Variants in MALRD1 observed in about 807,000 individuals in gnomAD.
MALRD1 encodes MAM and LDL receptor class A domain containing 1.
Under a neutral mutation model 242.1 loss-of-function variants are expected in MALRD1, and 247 were observed. The ratio of observed to expected loss-of-function variants is 1.02; its 90% confidence interval spans 0.92 to 1.13. The LOEUF is 1.13. MALRD1 is among the 50% of genes most tolerant of loss of function. MALRD1 has a pLI of 0.00. For missense variants in MALRD1, 2,989 were observed against 2,533.1 expected (o/e 1.18, Z -3.86); for synonymous variants, 995 against 866.6 (o/e 1.15, Z -2.60).
chr10:19,050,654 G>A (rs1267564096), intron 1 of MALRD1, among the ~76,000 whole-genome samples: 1 of 152,122 alleles, frequency 6.6e-6, no homozygotes, highest in African/African-American at 2.4e-5. Flanking sequence ...TTCAGCCAAG[G>A]GCAAAGATTC....
intron 34 of MALRD1, 68 bp downstream of exon 34, chr10:19,595,525 G>A (rs1406146371): frequency 4.1e-6 from 6 of 1,462,598 alleles, no homozygotes; most frequent in South Asian, 2.7e-5. Flanking sequence ...AAGAAAGCTC[G>A]ACAGATAAAA....
At position 19,652,070 on chromosome 10, in the gene MALRD1, C is replaced by T. The variant is rs562932447; in HGVS notation, c.6137+36147C>T. Among the ~76,000 whole-genome samples, 5 of 152,122 alleles carry T rather than the reference C, an allele frequency of 3.3e-5. No individual in the cohort carries two copies. The East Asian group carries it at 9.7e-4, about 29-fold the overall frequency. Reference sequence around the variant, plus strand: ...CAGAAGCTGACAACTGATGAAACTGCCAACAGGGCCAGCGAGGGTGACCAT... The same window carrying T: ...CAGAAGCTGACAACTGATGAAACTGTCAACAGGGCCAGCGAGGGTGACCAT... On this transcript the variant is annotated intron_variant, in intron 36 of 39. Transcript: ENST00000454679.
chr10:19,449,993 A>G (rs1835230672), intron 28 of MALRD1, among the ~76,000 whole-genome samples: 1 of 152,208 alleles, frequency 6.6e-6, no homozygotes, highest in Non-Finnish European at 1.5e-5. Flanking sequence ...TTGTTTCAGT[A>G]TCTGTCAGAT....
intron 13 of MALRD1, among the ~76,000 whole-genome samples, chr10:19,171,930 GAT>G (rs200734013): frequency 0.033 from 3,820 of 117,104 alleles, 118 homozygotes; most frequent in African/African-American, 0.04. Flanking sequence ...ACATATATGT[GAT>G]ATATATATCA....
At chr10:19,729,301 G>A (rs546635529) in intron 38 of MALRD1, among the ~76,000 whole-genome samples, 1 of 152,312 alleles carries the variant, frequency 6.6e-6, no homozygotes, top group African/African-American at 2.4e-5. Context: ...ATCAGTAAGA[G>A]CCCCCTTCTT....
chr10:19,586,683 G>A (rs1007973106), intron 33 of MALRD1, among the ~76,000 whole-genome samples: 2 of 152,204 alleles, frequency 1.3e-5, no homozygotes, highest in African/African-American at 2.4e-5. Context: ...CTTTTTGTTT[G>A]TCTGTGCCCT....
At chr10:19,695,840 C>T (rs1017461224) in intron 38 of MALRD1, among the ~76,000 whole-genome samples, 5 of 152,156 alleles carry the variant, frequency 3.3e-5, no homozygotes, top group Admixed American at 2.6e-4. Context: ...GCATGTCTTT[C>T]ATGGCAGCAG....
chr10:19,048,962 G>C lies in MALRD1; in HGVS notation c.24G>C (p.Met8Ile). The change falls in exon 1 of 40, where the codon ATG (methionine) becomes ATC (isoleucine). Residue 8 changes from methionine (M) to isoleucine (I), a missense_variant. By Grantham distance (10) the Met-to-Ile change is conservative (BLOSUM62 1). Transcript: ENST00000454679. ...TAATGCTCTTCTTCCTGGACAGAATGTTGGCATTCCCCATGAATGAAACTT... is the reference window on the plus strand; with the variant it reads ...TAATGCTCTTCTTCCTGGACAGAATCTTGGCATTCCCCATGAATGAAACTT... MLFFLDR[M>I]LAFPMNETFC... 17 of 1,233,904 alleles carry C rather than the reference G, an allele frequency of 1.4e-5. No homozygotes were observed. The highest frequency in any genetic ancestry group is 1.4e-5 in the Non-Finnish European group (14 of 988,140). 76.4% of individuals were successfully genotyped at this position (1,233,904 alleles called of 1,614,324 possible).
intron 33 of MALRD1, among the ~76,000 whole-genome samples, chr10:19,585,350 G>T (rs1416025939): frequency 6.6e-6 from 1 of 152,018 alleles, no homozygotes; most frequent in Non-Finnish European, 1.5e-5. Flanking sequence ...GCATGATTTT[G>T]CAGTGGCTGG....
intron 19 of MALRD1, among the ~76,000 whole-genome samples, chr10:19,269,144 C>A (rs1259699852): frequency 6.6e-6 from 1 of 151,982 alleles, no homozygotes; most frequent in Non-Finnish European, 1.5e-5. Flanking sequence ...TATAGGCCAA[C>A]AAAACCCTAT....
chr10:19,133,889 A>T lies in MALRD1; in HGVS notation c.1144A>T (p.Thr382Ser). ...EEIFWTYNIS[T>S]HSQWVKADVL... ...AATATTTTGGACATACAACATATCA[A>T]CTCACAGCCAATGGGTGAAAGCAGA... Residue 382 changes from threonine to serine, a missense_variant, in exon 9 of 40, where the codon ACT becomes TCT. Coordinates refer to ENST00000454679, the MANE Select transcript of MALRD1 (RefSeq NM_001142308.3). 1 of 1,231,106 alleles carries T rather than the reference A, an allele frequency of 8.1e-7. No individual in the cohort carries two copies. The highest frequency in any genetic ancestry group is 1.0e-6 in the Non-Finnish European group (1 of 987,518). 76.3% of individuals were successfully genotyped at this position (1,231,106 alleles called of 1,614,324 possible).
rs184599108 is a variant in MALRD1 at position 19,672,374 on chromosome 10, A to G, written c.6138-19908A>G. Among the ~76,000 whole-genome samples the G allele has an allele frequency of 5.1e-3, 725 of 142,182 alleles. 6 individuals are homozygous for G. The highest frequency in any genetic ancestry group is 7.7e-3 in the Middle Eastern group (2 of 260). The allele number at this position is 142,182 out of a possible 152,430, so 93.3% of individuals were successfully genotyped here. On this transcript the variant is annotated intron_variant, in intron 36 of 39. Transcript: ENST00000454679. Reference sequence around the variant, plus strand: ...TTCAGGTTGATCTATGACTTTCTAGATGTGTTATATTTGATTGATGCAACA... The same window carrying G: ...TTCAGGTTGATCTATGACTTTCTAGGTGTGTTATATTTGATTGATGCAACA...
intron 31 of MALRD1, among the ~76,000 whole-genome samples, chr10:19,507,306 T>G (rs966814817): frequency 6.6e-6 from 1 of 152,086 alleles, no homozygotes; most frequent in African/African-American, 2.4e-5. Context: ...TTTGGGTAGG[T>G]AGGAGTTCAT....
At chr10:19,629,592 G>A (rs562747488) in intron 36 of MALRD1, among the ~76,000 whole-genome samples, 4 of 152,268 alleles carry the variant, frequency 2.6e-5, no homozygotes, top group Admixed American at 2.6e-4. Context: ...CAAGCTTCAT[G>A]GGGTAGCCGT....
At position 19,592,492 on chromosome 10, in the gene MALRD1, C is replaced by T. The variant is rs1171426086; in HGVS notation, c.5681-2702C>T. Among the ~76,000 whole-genome samples, 5 of 152,290 alleles carry T rather than the reference C, an allele frequency of 3.3e-5. No individual in the cohort carries two copies. The South Asian group carries it at 1.0e-3, about 32-fold the overall frequency. ...GACTCAACCATGAGCTGTCATCTGG[C>T]AACCTCCCAGGAGCTGGGGGAATGA... On this transcript the variant is annotated intron_variant, in intron 33 of 39. Coordinates refer to ENST00000454679, the MANE Select transcript of MALRD1 (RefSeq NM_001142308.3).
At chr10:19,263,039 A>T (rs536746105) in intron 19 of MALRD1, among the ~76,000 whole-genome samples, 1 of 152,262 alleles carries the variant, frequency 6.6e-6, no homozygotes, top group East Asian at 1.9e-4. Context: ...CTATCTCCAT[A>T]CATGTAAGTT....
At chr10:19,307,921 A>G (rs1842283262) in intron 21 of MALRD1, among the ~76,000 whole-genome samples, 1 of 151,642 alleles carries the variant, frequency 6.6e-6, no homozygotes, top group Admixed American at 6.6e-5. Context: ...TAGTAGGTGT[A>G]TATATTTATG....
chr10:19,457,569 T>C (rs1359335752), intron 29 of MALRD1, among the ~76,000 whole-genome samples: 2 of 152,032 alleles, frequency 1.3e-5, no homozygotes, highest in South Asian at 2.1e-4. Flanking sequence ...AAGGATGTTC[T>C]GTTTCTAAAA....
intron 18 of MALRD1, among the ~76,000 whole-genome samples, chr10:19,235,240 T>C (rs916052909): frequency 1.3e-5 from 2 of 152,116 alleles, no homozygotes; most frequent in East Asian, 1.9e-4. Flanking sequence ...GCTAAAAATA[T>C]ACAGACACTT....
Sources: gnomAD v4.1 joint callset for allele counts (sites outside exome capture counted in the v4.1 genomes callset) on GRCh38, gnomAD v4.1.1 for gene constraint, MANE v1.5 for transcripts, NCBI Gene and HGNC (gene_info 2026-07-23, HGNC 2026-07-21) for gene names.